Variants in SCN9A observed in about 807,000 individuals in gnomAD.
The protein encoded by SCN9A is sodium voltage-gated channel alpha subunit 9.
A neutral mutation model predicts 187.0 loss-of-function variants in SCN9A; 131 were observed. That is an observed-to-expected ratio of 0.70 (90% CI 0.61 to 0.81). The LOEUF (loss-of-function observed/expected upper bound fraction) is 0.81, where lower values mean the gene tolerates loss of function less well. Among genes scored for constraint, SCN9A ranks in the 30% least tolerant of loss-of-function variants. The pLI is 0.00. For missense variants in SCN9A, 2,252 were observed against 2,396.6 expected (o/e 0.94, Z 1.26); for synonymous variants, 809 against 808.6 (o/e 1.00, Z -0.01).
At chr2:166,334,813 A>G (rs1452653886) in intron 1 of SCN9A, among the ~76,000 whole-genome samples, 1 of 152,180 alleles carries the variant, frequency 6.6e-6, no homozygotes. Flanking sequence ...TTGTAGCACA[A>G]TTCAAATTAA....
At chr2:166,211,102 C>A (rs144630416) in intron 24 of SCN9A, among the ~76,000 whole-genome samples, 1 of 151,960 alleles carries the variant, frequency 6.6e-6, no homozygotes, top group East Asian at 1.9e-4. Context: ...GACATAATAT[C>A]ATCAAATTGC....
chr2:166,218,776 G>T lies in SCN9A; in HGVS notation c.4398+7791C>A, dbSNP rs1365690774. ...GCAAAAGAAACTATCAACAGAGTAA[G>T]CAGACAGTCTACAGAATGGGAGAAA... On this transcript the variant is annotated intron_variant, in intron 24 of 26. Coordinates refer to ENST00000642356, the MANE Select transcript of SCN9A (RefSeq NM_001365536.1). Among the ~76,000 whole-genome samples the T allele has an allele frequency of 1.3e-5, 2 of 152,012 alleles. 1 individual carries two copies. Among genetic ancestry groups the T allele is most frequent in the African/African-American group, 4.8e-5 (2 of 41,424 alleles).
intron 1 of SCN9A, among the ~76,000 whole-genome samples, chr2:166,338,278 C>T (rs953221542): frequency 6.6e-6 from 1 of 152,120 alleles, no homozygotes; most frequent in Admixed American, 6.6e-5. Flanking sequence ...TGCCCACTTA[C>T]AGGAGTCACT....
chr2:166,328,962 TTC>T (rs1699431331), intron 1 of SCN9A, among the ~76,000 whole-genome samples: 1 of 152,126 alleles, frequency 6.6e-6, no homozygotes, highest in Non-Finnish European at 1.5e-5. Flanking sequence ...ATAAAATTTT[TTC>T]TCTGTTGTGT....
chr2:166,284,869 A>G (rs182856408), intron 11 of SCN9A, 45 bp from the exon 12 acceptor site: 1,888 of 1,519,514 alleles, frequency 1.2e-3, no homozygotes, highest in Non-Finnish European at 1.5e-3. Flanking sequence ...GCACCTACTG[A>G]TAGAAGTACA....
intron 17 of SCN9A, among the ~76,000 whole-genome samples, chr2:166,262,697 C>T (rs756241511): frequency 5.9e-5 from 9 of 151,912 alleles, no homozygotes; most frequent in South Asian, 2.1e-4. Context: ...CCATGACTAA[C>T]CAAATCTTTT....
intron 26 of SCN9A, among the ~76,000 whole-genome samples, chr2:166,200,567 C>T (rs1484034300): frequency 1.3e-5 from 2 of 151,912 alleles, no homozygotes; most frequent in East Asian, 1.9e-4. Context: ...TCACTTCAGA[C>T]ATTTTTCTGT....
At chr2:166,326,428 G>A (rs1442059971) in intron 1 of SCN9A, among the ~76,000 whole-genome samples, 1 of 152,148 alleles carries the variant, frequency 6.6e-6, no homozygotes, top group Non-Finnish European at 1.5e-5. Flanking sequence ...CATCTTTGGA[G>A]GAAGGAAATA....
chr2:166,324,485 A>G (rs1699316885), intron 1 of SCN9A, among the ~76,000 whole-genome samples: 1 of 152,142 alleles, frequency 6.6e-6, no homozygotes, highest in Non-Finnish European at 1.5e-5. Flanking sequence ...TCACTTCTCT[A>G]GAAACACATA....
intron 9 of SCN9A, among the ~76,000 whole-genome samples, chr2:166,291,814 A>G (rs1698084744): frequency 6.6e-6 from 1 of 152,174 alleles, no homozygotes; most frequent in South Asian, 2.1e-4. Context: ...AAAAACAAGC[A>G]ATGTGGAAAG....
At chr2:166,364,366 T>A (rs984420496) in intron 1 of SCN9A, among the ~76,000 whole-genome samples, 1 of 152,066 alleles carries the variant, frequency 6.6e-6, no homozygotes, top group African/African-American at 2.4e-5. Context: ...ACGCATGTAG[T>A]TATCTGTACA....
At chr2:166,307,102 T>C (rs1400781558) in intron 2 of SCN9A, 28 bp from the exon 3 acceptor site, 4 of 1,295,738 alleles carry the variant, frequency 3.1e-6, no homozygotes, top group African/African-American at 2.9e-5. Flanking sequence ...AAGGATGAAA[T>C]TGAGAATCCA....
chr2:166,232,346 ACT>A (rs1228938757), intron 21 of SCN9A, among the ~76,000 whole-genome samples: 1 of 152,122 alleles, frequency 6.6e-6, no homozygotes, highest in Non-Finnish European at 1.5e-5. Context: ...AATTAAGTAA[ACT>A]CTCTGAGCTT....
intron 7 of SCN9A, among the ~76,000 whole-genome samples, chr2:166,300,173 C>T (rs1448060803): frequency 1.3e-5 from 2 of 150,904 alleles, no homozygotes; most frequent in African/African-American, 5.0e-5. Context: ...AAAATACAAA[C>T]TCCTTCCCAT....
intron 16 of SCN9A, among the ~76,000 whole-genome samples, chr2:166,273,081 T>C (rs973475751): frequency 6.6e-6 from 1 of 152,064 alleles, no homozygotes; most frequent in South Asian, 2.1e-4. Context: ...GACTAGCCCC[T>C]GCAGACTCAG....
chr2:166,300,314 G>T (rs1202654255), intron 7 of SCN9A, among the ~76,000 whole-genome samples: 1 of 150,266 alleles, frequency 6.7e-6, no homozygotes, highest in Admixed American at 6.6e-5. Flanking sequence ...CTTTATTCAG[G>T]ACCTTTGCCC....
intron 2 of SCN9A, among the ~76,000 whole-genome samples, chr2:166,309,027 A>T (rs2106530885): frequency 6.6e-6 from 1 of 151,894 alleles, no homozygotes; most frequent in Non-Finnish European, 1.5e-5. Context: ...TGAGTTTTGT[A>T]TTCAAGGAAC....
chr2:166,216,011 C>A (rs1002386542), intron 24 of SCN9A, among the ~76,000 whole-genome samples: 5 of 151,950 alleles, frequency 3.3e-5, no homozygotes, highest in African/African-American at 9.7e-5. Context: ...AAACTGAATT[C>A]CCTAGCACAT....
chr2:166,217,226 T>TA (rs992385089), intron 24 of SCN9A, among the ~76,000 whole-genome samples: 1 of 151,926 alleles, frequency 6.6e-6, no homozygotes, highest in Non-Finnish European at 1.5e-5. Context: ...GTAAAAGACT[T>TA]AAATATAAGA....
Sources: allele counts gnomAD v4.1 joint callset (sites outside exome capture counted in the v4.1 genomes callset), GRCh38; gene constraint gnomAD v4.1.1; transcripts MANE v1.5; gene names NCBI Gene and HGNC (gene_info 2026-07-23, HGNC 2026-07-21).